Variants in TTC28 observed in about 807,000 individuals in gnomAD.
The protein encoded by TTC28 is tetratricopeptide repeat protein 28.
Under a neutral mutation model 198.0 loss-of-function variants are expected in TTC28, and 61 were observed. That is an observed-to-expected ratio of 0.31 (90% CI 0.25 to 0.38). The LOEUF (loss-of-function observed/expected upper bound fraction) is 0.38. Ranked by LOEUF, TTC28 falls within the 10% of genes least tolerant of loss-of-function variation. The pLI is 1.00. For synonymous variants in TTC28, 1,171 were observed against 1,297.8 expected (o/e 0.90, Z 2.10); for missense variants, 2,678 against 3,164.0 (o/e 0.85, Z 3.69).
At chr22:28,496,601 G>A (rs2048458398) in intron 2 of TTC28, among the ~76,000 whole-genome samples, 1 of 151,916 alleles carries the variant, frequency 6.6e-6, no homozygotes, top group African/African-American at 2.4e-5. Flanking sequence ...TTTCACCAAT[G>A]CCACTGCTAA....
intron 5 of TTC28, among the ~76,000 whole-genome samples, chr22:28,293,509 C>T (rs200012475): frequency 1.4e-3 from 207 of 151,986 alleles, no homozygotes; most frequent in African/African-American, 4.7e-3. Flanking sequence ...AAAGGGTATA[C>T]GGTTTCAGTT....
At chr22:28,294,920 A>C (rs1019353512) in intron 5 of TTC28, among the ~76,000 whole-genome samples, 1 of 152,162 alleles carries the variant, frequency 6.6e-6, no homozygotes, top group Non-Finnish European at 1.5e-5. Context: ...ACCTATCTGG[A>C]CAACTATGCT....
intron 2 of TTC28, among the ~76,000 whole-genome samples, chr22:28,603,511 C>T (rs1220359867): frequency 6.6e-6 from 1 of 152,090 alleles, no homozygotes; most frequent in African/African-American, 2.4e-5. Context: ...CCTCAGCCTC[C>T]CAAGTAGCTG....
chr22:28,014,110 A>G (rs1009885471), intron 14 of TTC28, 138 bp downstream of exon 14: 159 of 1,083,156 alleles, frequency 1.5e-4, no homozygotes, highest in Middle Eastern at 2.1e-4. Flanking sequence ...GAAGCTGGAC[A>G]GAGCGGACTT....
chr22:28,460,607 G>GTAGATAGA (rs4035771), intron 2 of TTC28, among the ~76,000 whole-genome samples: 32 of 144,706 alleles, frequency 2.2e-4, no homozygotes, highest in East Asian at 6.2e-4. Flanking sequence ...ATGATTAATG[G>GTAGATAGA]TAGATAGATA....
At chr22:28,200,280 G>C (rs1243151521) in intron 5 of TTC28, among the ~76,000 whole-genome samples, 1 of 151,924 alleles carries the variant, frequency 6.6e-6, no homozygotes, top group Non-Finnish European at 1.5e-5. Flanking sequence ...TGAAGGAAAG[G>C]ACAAAGATTT....
At chr22:28,133,864 G>A (rs1043855983) in intron 6 of TTC28, among the ~76,000 whole-genome samples, 4 of 152,316 alleles carry the variant, frequency 2.6e-5, no homozygotes, top group Admixed American at 2.0e-4. Flanking sequence ...AGAGAGTAGT[G>A]GTTCTCCCAG....
At chr22:28,182,073 C>T (rs779252820) in intron 5 of TTC28, among the ~76,000 whole-genome samples, 1 of 151,978 alleles carries the variant, frequency 6.6e-6, no homozygotes, top group Non-Finnish European at 1.5e-5. Flanking sequence ...TTCTCTCACT[C>T]ACTTGAAATA....
At chr22:28,499,890 T>G (rs1210825943) in intron 2 of TTC28, among the ~76,000 whole-genome samples, 3 of 152,146 alleles carry the variant, frequency 2.0e-5, no homozygotes, top group African/African-American at 7.2e-5. Flanking sequence ...CAGATTGGGG[T>G]AATCAGCATA....
intron 14 of TTC28, chr22:28,002,650 C>T (rs1443861628): frequency 3.3e-5 from 5 of 151,984 alleles, no homozygotes; most frequent in Admixed American, 1.3e-4. Flanking sequence ...CTCCATCTAG[C>T]GAAAGCAGAA....
At chr22:28,144,161 A>G (rs1393296938) in intron 6 of TTC28, among the ~76,000 whole-genome samples, 1 of 152,218 alleles carries the variant, frequency 6.6e-6, no homozygotes, top group Non-Finnish European at 1.5e-5. Flanking sequence ...CACACCCTTC[A>G]TTGCTATCCT....
Position 28,351,546 on chromosome 22 carries a change from G to A in TTC28, c.382-44903C>T, listed in dbSNP as rs936407967. Reference sequence around the variant, plus strand: ...ATTATAGTTTTGTAGAATTCATCACGGAGCTTTTAAATTCCCAAATACTAC... The same window carrying A: ...ATTATAGTTTTGTAGAATTCATCACAGAGCTTTTAAATTCCCAAATACTAC... On this transcript the variant is annotated intron_variant, in intron 2 of 22. Transcript: ENST00000397906. 5.9e-5 allele frequency among the ~76,000 whole-genome samples: 9 copies of A among 152,062 alleles called. No individual in the cohort carries two copies. In the East Asian group the frequency reaches 7.7e-4, roughly 13 times the overall value.
rs2049088754 is a variant in TTC28, at chr22:28,529,657, A to G, written c.381+99895T>C. On this transcript the variant is annotated intron_variant, in intron 2 of 22. Transcript: ENST00000397906. ...GCCTAACTGGGAGACACCTCCCAGTAGGGGCCAACTGACACCTCATACAGC... is the reference window on the plus strand; with the variant it reads ...GCCTAACTGGGAGACACCTCCCAGTGGGGGCCAACTGACACCTCATACAGC... Among the ~76,000 whole-genome samples the G allele has an allele frequency of 2.0e-5, 3 of 152,192 alleles. 1 individual carries two copies. The South Asian group carries it at 6.2e-4, about 31-fold the overall frequency.
intron 12 of TTC28, among the ~76,000 whole-genome samples, chr22:28,084,608 C>A (rs1832586102): frequency 6.6e-6 from 1 of 152,178 alleles, no homozygotes; most frequent in South Asian, 2.1e-4. Context: ...GAGTGCCTCT[C>A]CTCCTCCAAA....
At chr22:28,554,923 C>T (rs1569022692) in intron 2 of TTC28, among the ~76,000 whole-genome samples, 3 of 151,984 alleles carry the variant, frequency 2.0e-5, no homozygotes, top group South Asian at 2.1e-4. Flanking sequence ...AGACAATCCA[C>T]GGAGTGAGAA....
chr22:28,216,696 T>G (rs995704758), intron 5 of TTC28, among the ~76,000 whole-genome samples: 1 of 152,168 alleles, frequency 6.6e-6, no homozygotes, highest in Admixed American at 6.5e-5. Context: ...TCTAATGATG[T>G]TGATGACAAT....
chr22:28,417,775 C>G (rs1203082592), intron 2 of TTC28, among the ~76,000 whole-genome samples: 1 of 152,162 alleles, frequency 6.6e-6, no homozygotes, highest in East Asian at 1.9e-4. Context: ...TTTGGAAACC[C>G]TAATAGCTCT....
intron 12 of TTC28, among the ~76,000 whole-genome samples, chr22:28,036,702 A>G (rs1939368595): frequency 6.6e-6 from 1 of 152,124 alleles, no homozygotes; most frequent in Non-Finnish European, 1.5e-5. Context: ...GACATAAAAA[A>G]CCCTTTAAAA....
At chr22:28,536,848 A>G (rs1725572924) in intron 2 of TTC28, among the ~76,000 whole-genome samples, 1 of 152,098 alleles carries the variant, frequency 6.6e-6, no homozygotes, top group Non-Finnish European at 1.5e-5. Flanking sequence ...CACTGGGAAG[A>G]TACTAGAAAA....
Sources: allele counts gnomAD v4.1 joint callset (sites outside exome capture counted in the v4.1 genomes callset), GRCh38; gene constraint gnomAD v4.1.1; transcripts MANE v1.5; gene names NCBI Gene and HGNC (gene_info 2026-07-23, HGNC 2026-07-21).